Variants in SNTG2 observed in about 807,000 individuals in gnomAD.
SNTG2 encodes the protein gamma-2-syntrophin.
Under a neutral mutation model 70.9 loss-of-function variants are expected in SNTG2, and 74 were observed. The ratio of observed to expected loss-of-function variants is 1.04; its 90% confidence interval spans 0.86 to 1.27. The LOEUF (loss-of-function observed/expected upper bound fraction) is 1.27. Among genes scored for constraint, SNTG2 ranks in the 50% most tolerant of loss-of-function variants. The pLI, the probability that SNTG2 is intolerant of heterozygous loss-of-function variation, is 0.00. For missense variants in SNTG2, 717 were observed against 690.7 expected, an observed-to-expected ratio of 1.04 and a Z score of -0.43; for synonymous variants, 278 against 273.8, an observed-to-expected ratio of 1.02 and a Z score of -0.15.
Position 1,097,822 on chromosome 2 carries a change from G to C in SNTG2, c.211-374G>C, listed in dbSNP as rs1024913406. Among the ~76,000 whole-genome samples the C allele has an allele frequency of 2.0e-5, 3 of 151,906 alleles. No individual in the cohort carries two copies. Among genetic ancestry groups the C allele is most frequent in the Admixed American group, 6.6e-5 (1 of 15,250 alleles). On this transcript the variant is annotated intron_variant, in intron 2 of 16. Coordinates refer to ENST00000308624, the MANE Select transcript of SNTG2 (RefSeq NM_018968.4). This position sits in a 1 kb window ranked among gnomAD's most constrained non-coding sequence, Gnocchi z 4.1. ...TCCTGGGGTTGGTGGGTAGAGAGCG[G>C]TTCTAAAACAGGACTGAGTGCTCCG... is the stretch of plus-strand genomic sequence containing the variant.
rs189329054 is a variant in SNTG2, at chr2:1,235,044, C to T, written c.720-2844C>T. The stretch of plus-strand genomic sequence containing the variant: ...GAGCTGGAGCCAAGCGGTGACCATG[C>T]GTGTCCTTCACACGCCCTCACGCGC... On this transcript the variant is annotated intron_variant, in intron 9 of 16. Transcript: ENST00000308624. Among the ~76,000 whole-genome samples, 384 of 152,350 alleles carry T rather than the reference C, an allele frequency of 2.5e-3. 3 individuals carry two copies. The highest frequency in any genetic ancestry group is 8.9e-3 in the African/African-American group (371 of 41,588).
chr2:1,250,747 C>T (rs978818744), intron 12 of SNTG2, among the ~76,000 whole-genome samples: 3 of 151,526 alleles, frequency 2.0e-5, no homozygotes, highest in African/African-American at 7.3e-5. Context: ...TTCTCTCTGT[C>T]TCTCCTTCTC....
chr2:1,014,462 A>G, intron 1 of SNTG2, among the ~76,000 whole-genome samples: 1 of 91,702 alleles, frequency 1.1e-5, no homozygotes, highest in South Asian at 3.4e-4. Context: ...GGTGGTCTGT[A>G]GAGGGATTTA....
intron 11 of SNTG2, among the ~76,000 whole-genome samples, chr2:1,243,352 C>T (rs990765150): frequency 6.6e-6 from 1 of 152,146 alleles, no homozygotes; most frequent in Non-Finnish European, 1.5e-5. Flanking sequence ...GCTCATGGGG[C>T]CTCCCAGGTC....
At chr2:1,193,351 G>GC (rs1198803555) in intron 8 of SNTG2, among the ~76,000 whole-genome samples, 1 of 152,166 alleles carries the variant, frequency 6.6e-6, no homozygotes, top group Admixed American at 6.5e-5. Flanking sequence ...GGCTCCGCAG[G>GC]CAGCCGCTCA....
rs190221456 is a variant in SNTG2 at position 1,125,902 on chromosome 2, C to T, written c.326-11720C>T. On this transcript the variant is annotated intron_variant, in intron 4 of 16. Transcript: ENST00000308624. The stretch of plus-strand genomic sequence containing the variant: ...CATAATTGTACATATTTATGGGGTA[C>T]ATAATGATGCTTCAATACATACAAT... Among the ~76,000 whole-genome samples, 12 of 152,104 alleles carry T rather than the reference C, an allele frequency of 7.9e-5. No homozygotes were observed. In the East Asian group the frequency reaches 1.9e-3, roughly 24 times the overall value.
chr2:1,200,462 A>G lies in SNTG2; in HGVS notation c.592-8641A>G, dbSNP rs576530219. The stretch of plus-strand genomic sequence containing the variant: ...CACTTCAGGACGCTGGTTTAGGAAA[A>G]GATTTTATGACTGAGACCTCAAAAG... On this transcript the variant is annotated intron_variant, in intron 8 of 16. Coordinates refer to ENST00000308624, the MANE Select transcript of SNTG2 (RefSeq NM_018968.4). Among the ~76,000 whole-genome samples, 6 of 152,160 alleles carry G rather than the reference A, an allele frequency of 3.9e-5. No homozygotes were observed. In the South Asian group the frequency reaches 8.3e-4, roughly 21 times the overall value.
At chr2:1,016,254 T>G (rs1053967670) in intron 1 of SNTG2, among the ~76,000 whole-genome samples, 5 of 152,232 alleles carry the variant, frequency 3.3e-5, no homozygotes, top group Non-Finnish European at 7.3e-5. Flanking sequence ...TTTTGTTTTT[T>G]GTTTTGCGAC....
intron 16 of SNTG2, among the ~76,000 whole-genome samples, chr2:1,319,500 C>T (rs1475977000): frequency 6.6e-6 from 1 of 152,214 alleles, no homozygotes; most frequent in Non-Finnish European, 1.5e-5. Context: ...GCCCAAGGCC[C>T]CTCCGTGGCA....
intron 8 of SNTG2, among the ~76,000 whole-genome samples, chr2:1,208,074 G>A (rs1479435820): frequency 6.6e-6 from 1 of 152,228 alleles, no homozygotes; most frequent in African/African-American, 2.4e-5. Context: ...TCTTCTTGCA[G>A]ACAGATGCTC....
chr2:1,117,579 T>C (rs1667117875), intron 4 of SNTG2, among the ~76,000 whole-genome samples: 1 of 152,136 alleles, frequency 6.6e-6, no homozygotes, highest in Non-Finnish European at 1.5e-5. Context: ...GCTGAGCAGA[T>C]GAGGTAGCTC....
At chr2:1,162,472 C>T (rs1670383140) in intron 6 of SNTG2, among the ~76,000 whole-genome samples, 1 of 152,130 alleles carries the variant, frequency 6.6e-6, no homozygotes, top group Non-Finnish European at 1.5e-5. Flanking sequence ...TGATGTTTTG[C>T]CTTTTAAAAT....
chr2:1,233,458 A>T (rs767518007), intron 9 of SNTG2, among the ~76,000 whole-genome samples: 1 of 152,210 alleles, frequency 6.6e-6, no homozygotes, highest in Non-Finnish European at 1.5e-5. Context: ...GTGGACAGGA[A>T]GACCGCAGCG....
intron 4 of SNTG2, among the ~76,000 whole-genome samples, chr2:1,114,636 G>T (rs1206102399): frequency 6.6e-6 from 1 of 152,084 alleles, no homozygotes. Context: ...AGTCCTTTGA[G>T]AAGGATCTTC....
chr2:1,337,624 T>C (rs947155156), intron 16 of SNTG2, among the ~76,000 whole-genome samples: 5 of 152,188 alleles, frequency 3.3e-5, no homozygotes, highest in Non-Finnish European at 7.4e-5. Context: ...GGATGTCTTC[T>C]CTCATTCTGG....
chr2:1,162,965 A>G (rs970741406), intron 6 of SNTG2, among the ~76,000 whole-genome samples: 4 of 152,204 alleles, frequency 2.6e-5, no homozygotes, highest in Non-Finnish European at 5.9e-5. Context: ...AGGGGAGGAA[A>G]GACGCCTTGG....
intron 6 of SNTG2, chr2:1,160,557 C>T (rs1371162309): frequency 6.6e-6 from 1 of 152,222 alleles, no homozygotes; most frequent in African/African-American, 2.4e-5. Context: ...TCACCAACTT[C>T]GTGTCCTGGG....
intron 14 of SNTG2, among the ~76,000 whole-genome samples, chr2:1,289,148 G>C (rs1337396341): frequency 2.0e-5 from 3 of 151,976 alleles, no homozygotes; most frequent in Non-Finnish European, 4.4e-5. Flanking sequence ...CCTGCCACTA[G>C]CATTATCTTC....
At chr2:1,168,538 T>A (rs750997465) in intron 7 of SNTG2, among the ~76,000 whole-genome samples, 8 of 152,258 alleles carry the variant, frequency 5.3e-5, no homozygotes, top group African/African-American at 1.4e-4. Flanking sequence ...GAACTTTTCC[T>A]GTTTCAGCAT....
Sources: allele counts gnomAD v4.1 joint callset (sites outside exome capture counted in the v4.1 genomes callset), GRCh38; gene constraint gnomAD v4.1.1; non-coding constraint Gnocchi (gnomAD v3.1); transcripts MANE v1.5; gene names NCBI Gene and HGNC (gene_info 2026-07-23, HGNC 2026-07-21).